The following XKR6 variants were observed in gnomAD, a reference collection of about 807,000 sequenced individuals.
XKR6 encodes XK related 6.
In XKR6, 22 loss-of-function variants were observed where a neutral mutation model predicts 56.7. The ratio of observed to expected loss-of-function variants is 0.39; its 90% CI spans 0.28 to 0.55. The LOEUF (loss-of-function observed/expected upper bound fraction) is 0.55. XKR6 is among the 20% of genes least tolerant of loss of function. The pLI is 0.66. For synonymous variants in XKR6, 524 were observed against 387.8 expected, an observed-to-expected ratio of 1.35 and a Z score of -4.13; for missense variants, 852 against 889.0, an observed-to-expected ratio of 0.96 and a Z score of 0.53.
At chr8:11,010,780 T>C (rs1301462932) in intron 1 of XKR6, among the ~76,000 whole-genome samples, 1 of 152,126 alleles carries the variant, frequency 6.6e-6, no homozygotes, top group Non-Finnish European at 1.5e-5. Flanking sequence ...CCCCACCTTT[T>C]TTTTTTTTCC....
At chr8:10,925,808 C>G (rs1251336957) in intron 1 of XKR6, among the ~76,000 whole-genome samples, 2 of 152,144 alleles carry the variant, frequency 1.3e-5, no homozygotes, top group African/African-American at 2.4e-5. Flanking sequence ...TAACCCCAGC[C>G]TCAATTTCAC....
intron 1 of XKR6, among the ~76,000 whole-genome samples, chr8:10,932,672 G>A (rs1172124171): frequency 3.0e-5 from 4 of 133,070 alleles, no homozygotes; most frequent in East Asian, 2.0e-4. Context: ...GAGAATATGC[G>A]GTGTTTGGTT....
At chr8:11,019,284 T>C (rs1798695815) in intron 1 of XKR6, among the ~76,000 whole-genome samples, 1 of 151,504 alleles carries the variant, frequency 6.6e-6, no homozygotes, top group African/African-American at 2.4e-5. Flanking sequence ...CTTTCTAAGA[T>C]CTTCACCAAA....
intron 1 of XKR6, among the ~76,000 whole-genome samples, chr8:11,102,892 G>C (rs1159529980): frequency 6.6e-6 from 1 of 152,140 alleles, no homozygotes; most frequent in Non-Finnish European, 1.5e-5. Context: ...TTCTTGCTCT[G>C]AGTTTCAAAC....
chr8:10,967,809 G>A (rs1223271658), intron 1 of XKR6, among the ~76,000 whole-genome samples: 1 of 152,212 alleles, frequency 6.6e-6, no homozygotes, highest in African/African-American at 2.4e-5. Flanking sequence ...CTGGCGGGTG[G>A]GGTGAGGCCT....
chr8:11,119,194 T>C (rs1411463479), intron 1 of XKR6, among the ~76,000 whole-genome samples: 3 of 152,214 alleles, frequency 2.0e-5, no homozygotes, highest in African/African-American at 7.2e-5. Context: ...TAATTTCTGT[T>C]CTTTTACATT....
Position 10,897,925 on chromosome 8 carries a change from C to A in XKR6, c.*27G>T. 2 of 1,527,748 alleles carry A rather than the reference C, an allele frequency of 1.3e-6. No individual in the cohort carries two copies. Among genetic ancestry groups the A allele is most frequent in the Non-Finnish European group, 1.8e-6 (2 of 1,138,158 alleles). 94.6% of individuals were successfully genotyped at this position (1,527,748 alleles called of 1,614,324 possible). ...GTTTGCCGCAAACCAAACTTAAGGT[C>A]CCCTTCTCAACTTGGTCAAGATGCT... On this transcript the variant is annotated 3_prime_UTR_variant, in exon 3 of 3. Transcript: ENST00000416569.
chr8:11,091,831 A>G (rs1386767577), intron 1 of XKR6, among the ~76,000 whole-genome samples: 2 of 152,202 alleles, frequency 1.3e-5, no homozygotes, highest in African/African-American at 4.8e-5. Context: ...AAGTCCCCCA[A>G]CACCTCCTCT....
intron 2 of XKR6, among the ~76,000 whole-genome samples, chr8:10,912,595 TAG>T (rs1338861286): frequency 7.1e-6 from 1 of 140,704 alleles, no homozygotes; most frequent in Non-Finnish European, 1.5e-5. Context: ...TATATATATG[TAG>T]AGAGAGAGAA....
At chr8:10,946,731 G>C (rs1014599500) in intron 1 of XKR6, among the ~76,000 whole-genome samples, 3 of 152,136 alleles carry the variant, frequency 2.0e-5, no homozygotes, top group African/African-American at 7.2e-5. Flanking sequence ...AGGGGACCCA[G>C]CATGGTCCCT....
intron 1 of XKR6, among the ~76,000 whole-genome samples, chr8:11,168,874 C>G (rs1802220766): frequency 6.6e-6 from 1 of 152,206 alleles, no homozygotes; most frequent in Non-Finnish European, 1.5e-5. Flanking sequence ...CAGTGGGCTT[C>G]CAGGAAATAG....
chr8:11,099,757 G>C (rs1798397888), intron 1 of XKR6, among the ~76,000 whole-genome samples: 1 of 152,220 alleles, frequency 6.6e-6, no homozygotes, highest in African/African-American at 2.4e-5. Context: ...CCCTCCCTGA[G>C]CATATATTTA....
chr8:10,990,179 T>C (rs1332275432), intron 1 of XKR6, among the ~76,000 whole-genome samples: 2 of 152,236 alleles, frequency 1.3e-5, no homozygotes, highest in Admixed American at 6.5e-5. Context: ...TAGAGGTTTA[T>C]ACCTGCATGT....
At chr8:11,099,999 G>T (rs377541288) in intron 1 of XKR6, among the ~76,000 whole-genome samples, 8 of 152,202 alleles carry the variant, frequency 5.3e-5, no homozygotes, top group Non-Finnish European at 7.3e-5. Flanking sequence ...CGGGTTGGGC[G>T]CTGGGAGGGA....
intron 1 of XKR6, among the ~76,000 whole-genome samples, chr8:11,066,519 T>C (rs1168156683): frequency 1.3e-5 from 2 of 152,136 alleles, no homozygotes; most frequent in African/African-American, 4.8e-5. Context: ...GAGCCTTGGT[T>C]TTCACATTTA....
At chr8:11,039,625 C>T (rs1265856837) in intron 1 of XKR6, among the ~76,000 whole-genome samples, 2 of 152,204 alleles carry the variant, frequency 1.3e-5, no homozygotes, top group Non-Finnish European at 2.9e-5. Context: ...CCTTCTGGTG[C>T]GAGAGGGGAG....
At chr8:11,103,530 CT>C (rs567707079) in intron 1 of XKR6, among the ~76,000 whole-genome samples, 2 of 152,282 alleles carry the variant, frequency 1.3e-5, no homozygotes, top group African/African-American at 4.8e-5. Context: ...ACAAATGGGG[CT>C]TTTAAAATGG....
chr8:10,976,100 C>T (rs1333818965), intron 1 of XKR6, among the ~76,000 whole-genome samples: 6 of 151,902 alleles, frequency 3.9e-5, no homozygotes, highest in African/African-American at 1.5e-4. Context: ...GGCATGAACC[C>T]GGGAGGTGGA....
chr8:11,147,601 A>C (rs1021920984), intron 1 of XKR6, among the ~76,000 whole-genome samples: 2 of 151,052 alleles, frequency 1.3e-5, no homozygotes, highest in African/African-American at 4.9e-5. Flanking sequence ...GGTTGCAGTG[A>C]GCCAAGATCG....
Sources: allele counts gnomAD v4.1 joint callset (sites outside exome capture counted in the v4.1 genomes callset), GRCh38; gene constraint gnomAD v4.1.1; transcripts MANE v1.5; gene names NCBI Gene and HGNC (gene_info 2026-07-23, HGNC 2026-07-21).